AUTS2: variants seen among roughly 807,000 people sequenced by gnomAD.
The protein encoded by AUTS2 is autism susceptibility gene 2 protein.
In AUTS2, 17 loss-of-function variants were observed where a neutral mutation model predicts 112.4. The ratio of observed to expected loss-of-function variants is 0.15; its 90% confidence interval spans 0.10 to 0.23. The LOEUF (loss-of-function observed/expected upper bound fraction) is 0.23, where lower values mean the gene tolerates loss of function less well. Among genes scored for constraint, AUTS2 ranks in the 10% least tolerant of loss-of-function variants. The probability of loss-of-function intolerance (pLI) is 1.00; values close to 1 mark genes in which losing one functional copy is unlikely to be tolerated. For missense variants in AUTS2, 1,510 were observed against 1,701.6 expected (o/e 0.89, Z 1.98); for synonymous variants, 751 against 702.7 (o/e 1.07, Z -1.09).
intron 5 of AUTS2, among the ~76,000 whole-genome samples, chr7:70,687,316 G>A (rs1808521891): frequency 6.6e-6 from 1 of 152,216 alleles, no homozygotes; most frequent in South Asian, 2.1e-4. Context: ...ATGCACTGCT[G>A]TAAAAAGTAA....
intron 16 of AUTS2, 75 bp from the exon 17 acceptor site, chr7:70,785,880 C>A (rs2293502): frequency 5.6e-6 from 8 of 1,432,880 alleles, no homozygotes; most frequent in Middle Eastern, 2.3e-4. Context: ...CCGCATCGCC[C>A]TGCTCCCAGG....
intron 4 of AUTS2, among the ~76,000 whole-genome samples, chr7:70,184,187 A>G (rs1458352073): frequency 2.0e-5 from 3 of 152,108 alleles, no homozygotes; most frequent in African/African-American, 7.2e-5. Flanking sequence ...TTGCTGGAGA[A>G]CGTATTAAAA....
chr7:70,567,513 G>T (rs1363054491), intron 5 of AUTS2, among the ~76,000 whole-genome samples: 1 of 152,192 alleles, frequency 6.6e-6, no homozygotes, highest in Admixed American at 6.5e-5. Flanking sequence ...AAAGGAGGTT[G>T]AATTAAATGA....
chr7:69,627,166 A>G (rs1793993334), intron 1 of AUTS2, among the ~76,000 whole-genome samples: 1 of 152,182 alleles, frequency 6.6e-6, no homozygotes, highest in Admixed American at 6.5e-5. Context: ...CCCTGTCCCC[A>G]AAGACACATG....
At chr7:69,826,609 G>A (rs182818842) in intron 1 of AUTS2, among the ~76,000 whole-genome samples, 1 of 152,270 alleles carries the variant, frequency 6.6e-6, no homozygotes, top group Non-Finnish European at 1.5e-5. Flanking sequence ...TGATAGACGG[G>A]AATATACACT....
intron 4 of AUTS2, among the ~76,000 whole-genome samples, chr7:70,252,287 A>G (rs758050690): frequency 1.3e-4 from 19 of 151,988 alleles, no homozygotes; most frequent in Non-Finnish European, 2.2e-4. Context: ...ACCACTGCCA[A>G]CCCTTACCTT....
intron 4 of AUTS2, among the ~76,000 whole-genome samples, chr7:70,340,754 AT>A (rs1382965032): frequency 2.6e-5 from 4 of 152,266 alleles, no homozygotes; most frequent in Admixed American, 1.3e-4. Context: ...CTAGTATTTC[AT>A]TCCATCGAGA....
chr7:70,212,044 A>T (rs973448932), intron 4 of AUTS2, among the ~76,000 whole-genome samples: 1 of 152,182 alleles, frequency 6.6e-6, no homozygotes, highest in Non-Finnish European at 1.5e-5. Context: ...TTTTAGAATG[A>T]TAGAGTGTCA....
At chr7:69,626,280 A>G (rs1166914318) in intron 1 of AUTS2, among the ~76,000 whole-genome samples, 4 of 152,200 alleles carry the variant, frequency 2.6e-5, no homozygotes, top group Non-Finnish European at 5.9e-5. Flanking sequence ...CATAGTAACA[A>G]CATACCAGCT....
At chr7:69,681,810 G>A (rs962915088) in intron 1 of AUTS2, among the ~76,000 whole-genome samples, 1 of 152,112 alleles carries the variant, frequency 6.6e-6, no homozygotes, top group Non-Finnish European at 1.5e-5. Context: ...CAGATAGTTC[G>A]GTTTTTTTGT....
chr7:70,570,291 T>G (rs1801884601), intron 5 of AUTS2, among the ~76,000 whole-genome samples: 1 of 152,206 alleles, frequency 6.6e-6, no homozygotes, highest in Non-Finnish European at 1.5e-5. Flanking sequence ...TGTAGGTGTT[T>G]CCTTCTCCAG....
chr7:70,297,020 T>A (rs1313376920), intron 4 of AUTS2, among the ~76,000 whole-genome samples: 1 of 150,268 alleles, frequency 6.7e-6, no homozygotes, highest in African/African-American at 2.5e-5. Flanking sequence ...TTTTTTTTTT[T>A]TTTTCAATTT....
intron 5 of AUTS2, among the ~76,000 whole-genome samples, chr7:70,676,716 A>G (rs1807930524): frequency 6.6e-6 from 1 of 152,092 alleles, no homozygotes; most frequent in African/African-American, 2.4e-5. Flanking sequence ...ATCTCTACTA[A>G]AAATACAAAA....
At chr7:69,771,523 A>C (rs1788662088) in intron 1 of AUTS2, among the ~76,000 whole-genome samples, 1 of 152,164 alleles carries the variant, frequency 6.6e-6, no homozygotes, top group Admixed American at 6.5e-5. Context: ...GGAAACCTGC[A>C]GCAGTAGAAG....
intron 6 of AUTS2, among the ~76,000 whole-genome samples, chr7:70,705,299 T>G (rs573070180): frequency 6.6e-6 from 1 of 152,314 alleles, no homozygotes; most frequent in Non-Finnish European, 1.5e-5. Context: ...GACTGTACTG[T>G]ATAAGGAAAT....
intron 2 of AUTS2, among the ~76,000 whole-genome samples, chr7:70,043,654 G>C (rs891017981): frequency 1.7e-4 from 24 of 145,328 alleles, no homozygotes; most frequent in African/African-American, 5.6e-4. Context: ...TTGTTGCCCA[G>C]GCTGGAGTGC....
chr7:70,082,912 T>G (rs889099347), intron 2 of AUTS2, among the ~76,000 whole-genome samples: 3 of 152,194 alleles, frequency 2.0e-5, no homozygotes, highest in Non-Finnish European at 2.9e-5. Context: ...CAGTCAACAG[T>G]CATTTTATTC....
chr7:69,792,768 G>T (rs983142519), intron 1 of AUTS2, among the ~76,000 whole-genome samples: 3 of 152,068 alleles, frequency 2.0e-5, no homozygotes, highest in African/African-American at 7.2e-5. Flanking sequence ...GCAAATGTAT[G>T]CAAGTGTACA....
At chr7:70,568,084 G>A (rs994588394) in intron 5 of AUTS2, among the ~76,000 whole-genome samples, 7 of 152,212 alleles carry the variant, frequency 4.6e-5, no homozygotes, top group South Asian at 4.1e-4. Flanking sequence ...TAGAGCCATC[G>A]GAGCAGATGG....
Sources: gnomAD v4.1 joint callset for allele counts (sites outside exome capture counted in the v4.1 genomes callset) on GRCh38, gnomAD v4.1.1 for gene constraint, MANE v1.5 for transcripts, NCBI Gene and HGNC (gene_info 2026-07-23, HGNC 2026-07-21) for gene names.